The following ATP6V0A4 variants were observed in gnomAD, a reference collection of about 807,000 sequenced individuals.
The protein encoded by ATP6V0A4 is ATPase H+ transporting V0 subunit a4, also known as V-type proton ATPase 116 kDa subunit a 4.
In ATP6V0A4, 86 loss-of-function variants were observed where a neutral mutation model predicts 107.3. The ratio of observed to expected loss-of-function variants is 0.80; its 90% confidence interval spans 0.67 to 0.96. The LOEUF is 0.96. Ranked by LOEUF, ATP6V0A4 falls within the 40% of genes least tolerant of loss-of-function variation. ATP6V0A4 has a pLI of 0.00. For synonymous variants in ATP6V0A4, 353 were observed against 381.4 expected, an observed-to-expected ratio of 0.93 and a Z score of 0.87; for missense variants, 908 against 1,045.6, an observed-to-expected ratio of 0.87 and a Z score of 1.81.
At chr7:138,775,788 C>CTA (rs1807631923) in intron 2 of ATP6V0A4, among the ~76,000 whole-genome samples, 1 of 151,504 alleles carries the variant, frequency 6.6e-6, no homozygotes, top group African/African-American at 2.4e-5. Context: ...GTAGCTGGGA[C>CTA]TATAGGCGCC....
chr7:138,745,332 C>G lies in ATP6V0A4; in HGVS notation c.1321-52G>C, dbSNP rs1439418724. The G allele has an allele frequency of 3.1e-6, 5 of 1,611,612 alleles. No homozygotes were observed. The East Asian group carries it at 8.9e-5, about 29-fold the overall frequency. ...ATTGTCAGTGGGCTCTGAAGCAGAC[C>G]CCAGAGGGAAGCGTTCTACAGGATA... On this transcript the variant is annotated intron_variant, in intron 13 of 21. Transcript: ENST00000310018.
chr7:138,798,075 C>T lies in ATP6V0A4; in HGVS notation c.-162G>A, dbSNP rs1452198151. On this transcript the variant is annotated 5_prime_UTR_variant, in exon 1 of 22. Transcript: ENST00000310018. The stretch of plus-strand genomic sequence containing the variant: ...GCACAACTCCGCAGGACCGGCTCAC[C>T]TGCACCGGGCACTCAGCACAGCCTC... 6 of 1,579,028 alleles carry T rather than the reference C, an allele frequency of 3.8e-6. No individual in the cohort carries two copies. The highest frequency in any genetic ancestry group is 4.3e-6 in the Non-Finnish European group (5 of 1,163,052).
At chr7:138,710,629 A>G (rs948065290) in intron 20 of ATP6V0A4, among the ~76,000 whole-genome samples, 7 of 152,228 alleles carry the variant, frequency 4.6e-5, no homozygotes, top group Non-Finnish European at 8.8e-5. Flanking sequence ...TGAAATCCTA[A>G]CCACATTTCA....
At chr7:138,737,115 A>ATATATATAT (rs540225443) in intron 15 of ATP6V0A4, among the ~76,000 whole-genome samples, 8,725 of 86,440 alleles carry the variant, frequency 0.1, 1,722 homozygotes, top group East Asian at 0.33. Context: ...AGCCCTTATT[A>ATATATATAT]ATATATATAT....
intron 11 of ATP6V0A4, among the ~76,000 whole-genome samples, chr7:138,752,247 GTAA>G (rs1806267463): frequency 6.6e-6 from 1 of 152,052 alleles, no homozygotes; most frequent in Non-Finnish European, 1.5e-5. Flanking sequence ...GGGCGCACCT[GTAA>G]TCCCAGCTAC....
chr7:138,783,972 C>A (rs962055023), intron 2 of ATP6V0A4, among the ~76,000 whole-genome samples: 16 of 151,786 alleles, frequency 1.1e-4, no homozygotes, highest in Non-Finnish European at 2.2e-4. Context: ...CTACTGTGAA[C>A]CTCAAGAGTA....
intron 18 of ATP6V0A4, among the ~76,000 whole-genome samples, chr7:138,724,008 A>C (rs1176097998): frequency 2.2e-5 from 3 of 138,540 alleles, no homozygotes; most frequent in Non-Finnish European, 4.6e-5. Context: ...TGGGCAACAA[A>C]GTGAGATCCC....
intron 21 of ATP6V0A4, among the ~76,000 whole-genome samples, chr7:138,709,307 G>A (rs1246995889): frequency 1.3e-5 from 2 of 149,642 alleles, no homozygotes; most frequent in African/African-American, 4.9e-5. Flanking sequence ...ACTTGGAAAT[G>A]TCACTTGGGT....
At chr7:138,726,039 G>C (rs1804697349) in intron 18 of ATP6V0A4, among the ~76,000 whole-genome samples, 1 of 152,016 alleles carries the variant, frequency 6.6e-6, no homozygotes, top group Non-Finnish European at 1.5e-5. Flanking sequence ...GCCTGGGCTG[G>C]AGTGCAGTGG....
At chr7:138,734,045 G>C in intron 16 of ATP6V0A4, 91 bp downstream of exon 16, 1 of 1,416,938 alleles carries the variant, frequency 7.1e-7, no homozygotes, top group Non-Finnish European at 9.9e-7. Context: ...AACTTGCACA[G>C]AGAGATGCAG....
At chr7:138,791,348 G>C (rs1808402975) in intron 1 of ATP6V0A4, among the ~76,000 whole-genome samples, 1 of 152,194 alleles carries the variant, frequency 6.6e-6, no homozygotes, top group African/African-American at 2.4e-5. Flanking sequence ...AGAATTACAG[G>C]ATGGAGTGGA....
chr7:138,723,494 A>G lies in ATP6V0A4; in HGVS notation c.2011-1469T>C, dbSNP rs1292949441. On this transcript the variant is annotated intron_variant, in intron 18 of 21. Transcript: ENST00000310018. ...ATGGGAGGGGTATTGCAAATTAGGC[A>G]TCAACGTATCTGGACCCTTCTTTCT... Among the ~76,000 whole-genome samples the G allele has an allele frequency of 2.0e-5, 3 of 150,644 alleles. 1 individual carries two copies. The highest frequency in any genetic ancestry group is 7.3e-5 in the African/African-American group (3 of 40,948).
intron 2 of ATP6V0A4, among the ~76,000 whole-genome samples, chr7:138,784,219 T>TAC (rs1808042607): frequency 1.1e-5 from 1 of 87,310 alleles, no homozygotes; most frequent in African/African-American, 7.0e-5. Context: ...AAACATTATA[T>TAC]ATATATATAT....
At chr7:138,787,841 T>TA (rs1488402090) in intron 1 of ATP6V0A4, among the ~76,000 whole-genome samples, 2 of 151,462 alleles carry the variant, frequency 1.3e-5, no homozygotes, top group African/African-American at 4.9e-5. Flanking sequence ...CTACTAAAAA[T>TA]AAAAAATATT....
chr7:138,729,266 G>A (rs190022012), intron 17 of ATP6V0A4, among the ~76,000 whole-genome samples: 215 of 152,212 alleles, frequency 1.4e-3, no homozygotes, highest in African/African-American at 4.4e-3. Context: ...CCAGTCACTC[G>A]GTGGTACTCA....
At chr7:138,755,611 G>A in intron 10 of ATP6V0A4, 78 bp downstream of exon 10, 23 of 1,585,588 alleles carry the variant, frequency 1.5e-5, no homozygotes, top group Non-Finnish European at 2.0e-5. Context: ...GGCCCTGGGG[G>A]GCAGGGCTTG....
At chr7:138,775,014 G>T (rs1009504176) in intron 2 of ATP6V0A4, among the ~76,000 whole-genome samples, 2 of 152,074 alleles carry the variant, frequency 1.3e-5, no homozygotes, top group Non-Finnish European at 2.9e-5. Context: ...TTGCCCAGGG[G>T]TGCGGGGCTG....
intron 18 of ATP6V0A4, among the ~76,000 whole-genome samples, chr7:138,725,585 T>C (rs1396064263): frequency 6.6e-6 from 1 of 151,930 alleles, no homozygotes; most frequent in African/African-American, 2.4e-5. Flanking sequence ...CGATCTCAGC[T>C]CACTGCCATC....
intron 8 of ATP6V0A4, among the ~76,000 whole-genome samples, chr7:138,759,099 C>T (rs1296013627): frequency 1.7e-4 from 19 of 113,302 alleles, no homozygotes; most frequent in Non-Finnish European, 2.2e-4. Flanking sequence ...TCACTCTGTT[C>T]CCTAGGCTGG....
Sources: gnomAD v4.1 joint callset for allele counts (sites outside exome capture counted in the v4.1 genomes callset) on GRCh38, gnomAD v4.1.1 for gene constraint, MANE v1.5 for transcripts, NCBI Gene and HGNC (gene_info 2026-07-23, HGNC 2026-07-21) for gene names.